Variants in COL20A1 observed in about 807,000 individuals in gnomAD.
COL20A1 encodes the protein collagen type XX alpha 1 chain.
COL20A1 carries 164 observed loss-of-function variants against 152.9 expected under a neutral mutation model. That is an observed-to-expected ratio of 1.07 (90% CI 0.94 to 1.22). The LOEUF (loss-of-function observed/expected upper bound fraction) is 1.22. COL20A1 is among the 50% of genes most tolerant of loss of function. The pLI is 0.00. For missense variants in COL20A1, 1,873 were observed against 1,744.8 expected (o/e 1.07, Z -1.31); for synonymous variants, 864 against 756.0 (o/e 1.14, Z -2.34).
intron 25 of COL20A1, among the ~76,000 whole-genome samples, chr20:63,320,722 TG>T (rs2068150892): frequency 6.6e-6 from 1 of 152,142 alleles, no homozygotes; most frequent in Non-Finnish European, 1.5e-5. Flanking sequence ...TTGGCCATAC[TG>T]GGGGCCCAGA....
Position 63,305,610 on chromosome 20 carries a change from C to A in COL20A1, c.337+50C>A. 6.5e-7 allele frequency: 1 copy of A among 1,534,144 alleles called. No individual in the cohort carries two copies. The highest frequency in any genetic ancestry group is 2.3e-5 in the East Asian group (1 of 43,178). ...GTACCCACTCCTCCAGGCCGGGTCCCACCCTCCTCTGGGCTGGGGTCCCAC... is the reference window on the plus strand; with the variant it reads ...GTACCCACTCCTCCAGGCCGGGTCCAACCCTCCTCTGGGCTGGGGTCCCAC... On this transcript the variant is annotated intron_variant, in intron 4 of 35. Coordinates refer to ENST00000358894, the MANE Select transcript of COL20A1 (RefSeq NM_020882.4). The surrounding 1 kb of genome is among the most constrained non-coding windows in gnomAD (Gnocchi z 4.9).
chr20:63,307,940 C>G, intron 6 of COL20A1, 31 bp from the exon 7 acceptor site: 2 of 1,608,766 alleles, frequency 1.2e-6, no homozygotes, highest in Non-Finnish European at 1.7e-6. Flanking sequence ...GCATTGGAAA[C>G]TCAGCCCGTG....
chr20:63,327,718 G>T (rs2068272464), intron 31 of COL20A1: 1 of 582,860 alleles, frequency 1.7e-6, no homozygotes, highest in Non-Finnish European at 3.1e-6. Context: ...TGTGGCACAA[G>T]TTCCAGCCCC....
In COL20A1 at chr20:63,313,690, G is replaced by C. The variant is rs971314629; in HGVS notation, c.2210-53G>C. On this transcript the variant is annotated intron_variant, in intron 17 of 35. Coordinates refer to ENST00000358894, the MANE Select transcript of COL20A1 (RefSeq NM_020882.4). This position sits in a 1 kb window ranked among gnomAD's most constrained non-coding sequence, Gnocchi z 5.9. The stretch of plus-strand genomic sequence containing the variant: ...GGGCAGCTGGTCCTCTGGCCACCGG[G>C]TGCCTCCTTTCTGGAGGGGCCTGAG... 9 of 1,493,978 alleles carry C rather than the reference G, an allele frequency of 6.0e-6. No individual in the cohort carries two copies. In the African/African-American group the frequency reaches 1.1e-4, roughly 19 times the overall value. The allele number at this position is 1,493,978 out of a possible 1,614,324, so 92.5% of individuals were successfully genotyped here. A position where few individuals can be genotyped will look rare whatever the true frequency, so the allele number is the denominator to read the frequency against.
rs1186284624 is a variant in COL20A1 at position 63,308,590 on chromosome 20, G to T, written c.824G>T (p.Gly275Val). 10 of 1,605,206 alleles carry T rather than the reference G, an allele frequency of 6.2e-6. No homozygotes were observed. Among genetic ancestry groups the T allele is most frequent in the Non-Finnish European group, 6.8e-6 (8 of 1,176,768 alleles). ...VLGQNLQPAA[G>V]LRPEAAKVVI... The stretch of plus-strand genomic sequence containing the variant: ...GGGCAGAACCTGCAGCCGGCGGCTG[G>T]CCTCCGTCCAGAGGCAGCCAAGGTG... The change falls in exon 8 of 36, where the codon GGC becomes GTC. Residue 275 changes from glycine to valine, a missense_variant. By Grantham distance (109) the Gly-to-Val change is moderately radical. Coordinates refer to ENST00000358894, the MANE Select transcript of COL20A1 (RefSeq NM_020882.4).
intron 1 of COL20A1, among the ~76,000 whole-genome samples, chr20:63,294,046 G>A (rs1470537699): frequency 9.0e-6 from 1 of 111,050 alleles, no homozygotes; most frequent in Admixed American, 9.2e-5. Context: ...TGCCGGGAGT[G>A]CTCTGTCTGC....
At chr20:63,314,672 C>G (rs763936656) in intron 19 of COL20A1, among the ~76,000 whole-genome samples, 72 of 152,118 alleles carry the variant, frequency 4.7e-4, no homozygotes, top group Non-Finnish European at 9.6e-4. Context: ...GCTGCTCCTC[C>G]CATCAGGAGT....
Position 63,328,327 on chromosome 20 carries a change from A to G in COL20A1, c.3614-4A>G. 6.2e-7 allele frequency: 1 copy of G among 1,609,210 alleles called. No individual in the cohort carries two copies. The highest frequency in any genetic ancestry group is 8.5e-7 in the Non-Finnish European group (1 of 1,177,796). ...TGTCCTGCTGACACCCCTCCTCCCC[A>G]CAGCACACGTGTCAAAGTTCGACTC... On this transcript the variant is annotated splice_region_variant and splice_polypyrimidine_tract_variant and intron_variant, in intron 33 of 35. Transcript: ENST00000358894.
At chr20:63,294,621 C>T (rs1469422370) in intron 1 of COL20A1, among the ~76,000 whole-genome samples, 1 of 152,146 alleles carries the variant, frequency 6.6e-6, no homozygotes, top group Non-Finnish European at 1.5e-5. Context: ...CTCCACAGGT[C>T]TCTGATGACC....
intron 3 of COL20A1, among the ~76,000 whole-genome samples, chr20:63,298,288 T>A (rs1466707658): frequency 6.6e-6 from 1 of 152,214 alleles, no homozygotes; most frequent in African/African-American, 2.4e-5. Flanking sequence ...GATTTTTAAT[T>A]TCAATTTTTA....
intron 5 of COL20A1, 41 bp from the exon 6 acceptor site, chr20:63,307,449 A>G (rs1192905032): frequency 1.3e-6 from 2 of 1,582,902 alleles, no homozygotes; most frequent in Non-Finnish European, 1.7e-6. Context: ...TGGACCAGGG[A>G]TGGGCCTCAC....
chr20:63,294,608 C>G (rs780083457), intron 1 of COL20A1, among the ~76,000 whole-genome samples: 4 of 152,142 alleles, frequency 2.6e-5, no homozygotes, highest in Admixed American at 6.5e-5. Flanking sequence ...AGCTCTCACT[C>G]TCCTCCACAG....
chr20:63,305,230 A>G lies in COL20A1; in HGVS notation c.194-187A>G, dbSNP rs1457027403. On this transcript the variant is annotated intron_variant, in intron 3 of 35. Transcript: ENST00000358894. This position sits in a 1 kb window ranked among gnomAD's most constrained non-coding sequence, Gnocchi z 4.9. The stretch of plus-strand genomic sequence containing the variant: ...TTCTTTTCACCGCCCCAAGACCCCC[A>G]TTCTCTGTCACATTATTACCCAGGA... Among the ~76,000 whole-genome samples the G allele has an allele frequency of 2.6e-5, 4 of 151,900 alleles. No homozygotes were observed. The East Asian group carries it at 5.8e-4, about 22-fold the overall frequency.
At chr20:63,328,048 G>A (rs140055263) in intron 32 of COL20A1, 31 bp from the exon 33 acceptor site, 3 of 1,613,386 alleles carry the variant, frequency 1.9e-6, no homozygotes, top group East Asian at 2.2e-5. Context: ...CTGCCACACG[G>A]GTCCCAAAGC....
Position 63,320,073 on chromosome 20 carries a change from T to G in COL20A1, c.2951T>G (p.Leu984Arg). The change falls in exon 24 of 36, where the codon CTC becomes CGC. Residue 984 changes from leucine to arginine, a missense_variant. Transcript: ENST00000358894. ...GCTGTGGGCCGCTCCAAGGTCAGGC[T>G]CTATGTGGACTGCCGGAAGGTGGCT... ...HVAVGRSKVR[L>R]YVDCRKVAER... 1 of 1,555,746 alleles carries G rather than the reference T, an allele frequency of 6.4e-7. No homozygotes were observed. The highest frequency in any genetic ancestry group is 8.7e-7 in the Non-Finnish European group (1 of 1,150,454).
intron 26 of COL20A1, among the ~76,000 whole-genome samples, chr20:63,321,823 C>G (rs1462301573): frequency 6.6e-6 from 1 of 152,172 alleles, no homozygotes; most frequent in African/African-American, 2.4e-5. Flanking sequence ...ACAGCCTTGT[C>G]TACTCAGGGG....
At chr20:63,328,542 G>A (rs532935079) in intron 34 of COL20A1, 44 bp downstream of exon 34, 1 of 1,563,260 alleles carries the variant, frequency 6.4e-7, no homozygotes, top group East Asian at 2.3e-5. Context: ...TGGCCGGTGG[G>A]GGCGCCGGTT....
intron 31 of COL20A1, among the ~76,000 whole-genome samples, 161 bp downstream of exon 31, chr20:63,326,984 G>T (rs923663244): frequency 6.6e-6 from 1 of 151,906 alleles, no homozygotes; most frequent in African/African-American, 2.4e-5. Context: ...CCTGTTGACA[G>T]CTTCCTGTTT....
chr20:63,296,884 G>A (rs1291424729), intron 2 of COL20A1, among the ~76,000 whole-genome samples: 2 of 152,066 alleles, frequency 1.3e-5, no homozygotes, highest in Non-Finnish European at 2.9e-5. Flanking sequence ...CCGGGGGGCA[G>A]CCCAAAGAAG....
Sources: allele counts gnomAD v4.1 joint callset (sites outside exome capture counted in the v4.1 genomes callset), GRCh38; gene constraint gnomAD v4.1.1; non-coding constraint Gnocchi (gnomAD v3.1); transcripts MANE v1.5; gene names NCBI Gene and HGNC (gene_info 2026-07-23, HGNC 2026-07-21).